Variants in NRG2 observed in about 807,000 individuals in gnomAD.
NRG2 encodes pro-neuregulin-2, membrane-bound isoform.
NRG2 carries 27 observed loss-of-function variants against 73.9 expected under a neutral mutation model. The observed-to-expected ratio is 0.37, with a 90% CI of 0.27 to 0.50. NRG2 has a LOEUF of 0.50. Ranked by LOEUF, NRG2 falls within the 20% of genes least tolerant of loss-of-function variation. The pLI is 0.96. For missense variants in NRG2, 1,126 were observed against 1,210.1 expected (o/e 0.93, Z 1.03); for synonymous variants, 532 against 541.0 (o/e 0.98, Z 0.23).
At chr5:139,951,904 C>G (rs1754233160) in intron 1 of NRG2, among the ~76,000 whole-genome samples, 1 of 152,202 alleles carries the variant, frequency 6.6e-6, no homozygotes, top group African/African-American at 2.4e-5. Context: ...CATGCAGTGG[C>G]CAGCCAGGAG....
At chr5:140,009,288 A>G (rs371818370) in intron 1 of NRG2, among the ~76,000 whole-genome samples, 111 of 152,308 alleles carry the variant, frequency 7.3e-4, no homozygotes, top group African/African-American at 2.4e-3. Flanking sequence ...GAGGCCTCAG[A>G]GTCAGTGTCC....
chr5:139,912,028 C>A (rs1049626903), intron 1 of NRG2, among the ~76,000 whole-genome samples: 3 of 152,126 alleles, frequency 2.0e-5, no homozygotes, highest in Non-Finnish European at 4.4e-5. Context: ...AAACAGTTGT[C>A]CCCCGCTGTG....
intron 1 of NRG2, among the ~76,000 whole-genome samples, chr5:139,907,921 G>A (rs955412619): frequency 2.0e-5 from 3 of 152,360 alleles, no homozygotes; most frequent in Admixed American, 6.5e-5. Context: ...TACGGGACAC[G>A]TACTATCTGC....
At chr5:140,006,948 G>A (rs1194786636) in intron 1 of NRG2, among the ~76,000 whole-genome samples, 3 of 152,136 alleles carry the variant, frequency 2.0e-5, no homozygotes, top group Admixed American at 6.5e-5. Context: ...GTTCTCAAAA[G>A]CCTAGTTCAT....
At position 140,043,252 on chromosome 5, in the gene NRG2, G is replaced by A; in HGVS notation, c.-183C>T. ...GCAAGCGGGCCGCGATGCGCAGCGC[G>A]GCGCAGCGCAGCGCTCCCACCCTGT... On this transcript the variant is annotated 5_prime_UTR_variant, in exon 1 of 10. Transcript: ENST00000361474. The surrounding 1 kb of genome is among the most constrained non-coding windows in gnomAD (Gnocchi z 6.7). The A allele has an allele frequency of 1.6e-6, 1 of 617,492 alleles. No individual in the cohort carries two copies. The highest frequency in any genetic ancestry group is 2.1e-5 in the South Asian group (1 of 48,430). 38.3% of individuals were successfully genotyped at this position (617,492 alleles called of 1,614,324 possible).
chr5:140,019,133 G>A (rs1435176246), intron 1 of NRG2, among the ~76,000 whole-genome samples: 1 of 152,172 alleles, frequency 6.6e-6, no homozygotes, highest in African/African-American at 2.4e-5. Context: ...TGCTGCCAGT[G>A]CTGCCCTAGC....
At chr5:140,022,126 G>A (rs111956836) in intron 1 of NRG2, among the ~76,000 whole-genome samples, 1 of 152,190 alleles carries the variant, frequency 6.6e-6, no homozygotes, top group Non-Finnish European at 1.5e-5. Flanking sequence ...CAGGTTTGCA[G>A]AACTAGGTAC....
chr5:139,905,339 A>G (rs939603160), intron 1 of NRG2, among the ~76,000 whole-genome samples: 1 of 152,234 alleles, frequency 6.6e-6, no homozygotes, highest in East Asian at 1.9e-4. Flanking sequence ...TCTGGCTCCC[A>G]GAAAGCCTGA....
chr5:139,965,456 C>T (rs565858416), intron 1 of NRG2, among the ~76,000 whole-genome samples: 5 of 152,342 alleles, frequency 3.3e-5, no homozygotes, highest in Admixed American at 2.6e-4. Flanking sequence ...AACAGCAGAG[C>T]GACGCAGTCC....
intron 1 of NRG2, among the ~76,000 whole-genome samples, chr5:139,989,989 C>T (rs893434410): frequency 6.0e-5 from 9 of 151,242 alleles, no homozygotes; most frequent in East Asian, 1.9e-4. Flanking sequence ...GGGGTTTCAC[C>T]ATGTTAGCCA....
In NRG2 at chr5:139,855,729, G is replaced by A. The variant is rs142754976; in HGVS notation, c.1239C>T (p.Cys413=). ...QKRVLTITGI[C]VALLVVGIVC... is the part of the protein sequence containing the mutation. The stretch of plus-strand genomic sequence containing the variant: ...CGATGCCCACGACCAGCAGAGCCAC[G>A]CAGATGCCCGTGATGGTCAGGACCC... The change falls in exon 6 of 10, where the codon TGC becomes TGT. Residue 413 remains cysteine, a synonymous_variant. Transcript: ENST00000361474. 2.0e-5 allele frequency: 32 copies of A among 1,613,960 alleles called. No homozygotes were observed. Among genetic ancestry groups the A allele is most frequent in the African/African-American group, 1.3e-4 (10 of 74,886 alleles).
intron 5 of NRG2, among the ~76,000 whole-genome samples, chr5:139,858,100 T>C (rs1761917961): frequency 6.6e-6 from 1 of 152,206 alleles, no homozygotes; most frequent in Non-Finnish European, 1.5e-5. Context: ...TCAAAATGGC[T>C]TCACACTGTG....
intron 1 of NRG2, among the ~76,000 whole-genome samples, chr5:139,982,600 C>T (rs1222034155): frequency 3.9e-5 from 6 of 152,312 alleles, no homozygotes; most frequent in Middle Eastern, 3.4e-3. Context: ...CAGCAGAGCG[C>T]GTCAGTCCTA....
chr5:139,848,909 G>T (rs1050132706), intron 9 of NRG2, among the ~76,000 whole-genome samples: 1 of 152,162 alleles, frequency 6.6e-6, no homozygotes, highest in Non-Finnish European at 1.5e-5. Flanking sequence ...TGTTACGCGG[G>T]CATAACCATG....
At chr5:140,021,858 G>A (rs1760257110) in intron 1 of NRG2, among the ~76,000 whole-genome samples, 1 of 152,192 alleles carries the variant, frequency 6.6e-6, no homozygotes, top group African/African-American at 2.4e-5. Flanking sequence ...TTAGATATCT[G>A]CATGCACAAA....
intron 1 of NRG2, among the ~76,000 whole-genome samples, chr5:139,896,296 T>C (rs1431374670): frequency 6.6e-6 from 1 of 152,168 alleles, no homozygotes; most frequent in Non-Finnish European, 1.5e-5. Flanking sequence ...AATAAAAGTA[T>C]AAGGTTTTGA....
chr5:139,932,977 T>G (rs889274595), intron 1 of NRG2, among the ~76,000 whole-genome samples: 1 of 152,276 alleles, frequency 6.6e-6, no homozygotes, highest in African/African-American at 2.4e-5. Flanking sequence ...ACAGACTATA[T>G]TAAAAAGTGA....
At chr5:139,926,883 T>G (rs1207016941) in intron 1 of NRG2, among the ~76,000 whole-genome samples, 7 of 152,202 alleles carry the variant, frequency 4.6e-5, no homozygotes, top group Non-Finnish European at 1.0e-4. Flanking sequence ...ATATTACTAC[T>G]TACAACGTTC....
chr5:139,875,178 A>ATT (rs1315884799), intron 3 of NRG2, among the ~76,000 whole-genome samples: 1 of 152,058 alleles, frequency 6.6e-6, no homozygotes, highest in Non-Finnish European at 1.5e-5. Context: ...TGCCCAGCTA[A>ATT]TTTTTGTATT....
Sources: allele counts gnomAD v4.1 joint callset (sites outside exome capture counted in the v4.1 genomes callset), GRCh38; gene constraint gnomAD v4.1.1; non-coding constraint Gnocchi (gnomAD v3.1); transcripts MANE v1.5; gene names NCBI Gene and HGNC (gene_info 2026-07-23, HGNC 2026-07-21).